TTC7B: variants seen among roughly 807,000 people sequenced by gnomAD.
The protein encoded by TTC7B is tetratricopeptide repeat domain 7B.
TTC7B carries 28 observed loss-of-function variants against 106.8 expected under a neutral mutation model. That is an observed-to-expected ratio of 0.26 (90% CI 0.19 to 0.36). The LOEUF is 0.36. Ranked by LOEUF, TTC7B falls within the 10% of genes least tolerant of loss-of-function variation. The pLI is 1.00. For synonymous variants in TTC7B, 405 were observed against 430.6 expected (o/e 0.94, Z 0.74); for missense variants, 862 against 1,076.4 (o/e 0.80, Z 2.79).
intron 3 of TTC7B, among the ~76,000 whole-genome samples, chr14:90,752,862 G>C (rs896417310): frequency 5.3e-5 from 8 of 152,210 alleles, no homozygotes; most frequent in African/African-American, 1.9e-4. Context: ...TTCAATAACA[G>C]CAATGACAAC....
At chr14:90,594,008 G>A (rs540737153) in intron 17 of TTC7B, 3 of 159,682 alleles carry the variant, frequency 1.9e-5, no homozygotes, top group East Asian at 1.8e-4. Context: ...TAATCAGGGT[G>A]GGGGGAGGAA....
At chr14:90,800,124 G>T (rs1001273461) in intron 1 of TTC7B, among the ~76,000 whole-genome samples, 3 of 152,180 alleles carry the variant, frequency 2.0e-5, no homozygotes, top group Admixed American at 2.0e-4. Context: ...GAGCCACCAC[G>T]CCCGGCCTGA....
intron 15 of TTC7B, among the ~76,000 whole-genome samples, chr14:90,637,286 C>T (rs1595231265): frequency 6.6e-6 from 1 of 151,556 alleles, no homozygotes; most frequent in East Asian, 1.9e-4. Context: ...CAAATCCTTA[C>T]ATATAATATA....
intron 17 of TTC7B, among the ~76,000 whole-genome samples, chr14:90,598,646 G>A (rs758735580): frequency 3.3e-5 from 5 of 152,244 alleles, no homozygotes; most frequent in Non-Finnish European, 7.3e-5. Flanking sequence ...ACTGAGGGCT[G>A]TTGAGAAACC....
intron 2 of TTC7B, 107 bp downstream of exon 2, chr14:90,786,067 G>T: frequency 7.9e-7 from 1 of 1,265,972 alleles, no homozygotes; most frequent in Non-Finnish European, 1.0e-6. Flanking sequence ...ACAAGCCCTG[G>T]CAGTGTGCAG....
intron 15 of TTC7B, among the ~76,000 whole-genome samples, chr14:90,626,576 C>G (rs1331079344): frequency 6.6e-6 from 1 of 152,210 alleles, no homozygotes; most frequent in South Asian, 2.1e-4. Flanking sequence ...ATTGTGGGTT[C>G]CCCAGGGGCT....
rs1389965211 is a variant in TTC7B at position 90,742,142 on chromosome 14, G to A, written c.576+2650C>T. On this transcript the variant is annotated intron_variant, in intron 4 of 19. Coordinates refer to ENST00000328459, the MANE Select transcript of TTC7B (RefSeq NM_001010854.2). This position sits in a 1 kb window ranked among gnomAD's most constrained non-coding sequence, Gnocchi z 4.1. ...TGCAACCTCGAACTTCTGGGCTCAA[G>A]CAATCCTCCCACCTAAGCCTCCCAA... Among the ~76,000 whole-genome samples, 1 of 152,106 alleles carries A rather than the reference G, an allele frequency of 6.6e-6. No homozygotes were observed. Among genetic ancestry groups the A allele is most frequent in the Non-Finnish European group, 1.5e-5 (1 of 68,030 alleles).
rs913348965 is a variant in TTC7B, at chr14:90,577,600, C to T, written c.2310+506G>A. Among the ~76,000 whole-genome samples, 1 of 152,200 alleles carries T rather than the reference C, an allele frequency of 6.6e-6. No individual in the cohort carries two copies. The highest frequency in any genetic ancestry group is 1.5e-5 in the Non-Finnish European group (1 of 68,032). On this transcript the variant is annotated intron_variant, in intron 19 of 19. Coordinates refer to ENST00000328459, the MANE Select transcript of TTC7B (RefSeq NM_001010854.2). The surrounding 1 kb of genome is among the most constrained non-coding windows in gnomAD (Gnocchi z 5.0). ...CCTCTCAGGGCAACATGGCCAGACA[C>T]CCCCGCTGGTAGGATGCTCCCTCCC...
intron 7 of TTC7B, among the ~76,000 whole-genome samples, chr14:90,685,151 T>C (rs545605120): frequency 3.3e-4 from 51 of 152,342 alleles, no homozygotes; most frequent in Non-Finnish European, 6.0e-4. Flanking sequence ...TTCTGAATGG[T>C]CCTTGTGGTT....
At chr14:90,719,254 A>T (rs1339239465) in intron 5 of TTC7B, among the ~76,000 whole-genome samples, 1 of 152,220 alleles carries the variant, frequency 6.6e-6, no homozygotes, top group Non-Finnish European at 1.5e-5. Flanking sequence ...AGCTTGGGTG[A>T]CAAAGCAAGA....
At chr14:90,559,146 G>C (rs1890460174) in intron 19 of TTC7B, among the ~76,000 whole-genome samples, 1 of 152,214 alleles carries the variant, frequency 6.6e-6, no homozygotes, top group Admixed American at 6.5e-5. Context: ...ACCCAGGCCG[G>C]GCAAACGCGG....
At chr14:90,630,710 C>T (rs1286444) in intron 15 of TTC7B, among the ~76,000 whole-genome samples, 1 of 152,020 alleles carries the variant, frequency 6.6e-6, no homozygotes, top group Non-Finnish European at 1.5e-5. Flanking sequence ...GACTACTCCA[C>T]GTACCTCATA....
Position 90,759,193 on chromosome 14 carries a change from T to A in TTC7B, c.446-14271A>T, listed in dbSNP as rs1356759608. Among the ~76,000 whole-genome samples, 1 of 152,010 alleles carries A rather than the reference T, an allele frequency of 6.6e-6. No homozygotes were observed. Among genetic ancestry groups the A allele is most frequent in the Non-Finnish European group, 1.5e-5 (1 of 67,944 alleles). On this transcript the variant is annotated intron_variant, in intron 3 of 19. Transcript: ENST00000328459. This position sits in a 1 kb window ranked among gnomAD's most constrained non-coding sequence, Gnocchi z 4.1. ...TCTGAGCCGCACATGACTCTCTCCT[T>A]CTCCACAGAACAATCTGTGTTCTGC... is the stretch of plus-strand genomic sequence containing the variant.
At chr14:90,798,723 A>C (rs971190153) in intron 1 of TTC7B, among the ~76,000 whole-genome samples, 1 of 151,212 alleles carries the variant, frequency 6.6e-6, no homozygotes, top group African/African-American at 2.4e-5. Context: ...AAAAAAAAAA[A>C]AAAAAAAAAC....
chr14:90,555,388 G>A (rs969433408), intron 19 of TTC7B, among the ~76,000 whole-genome samples: 2 of 152,182 alleles, frequency 1.3e-5, no homozygotes, highest in African/African-American at 4.8e-5. Flanking sequence ...GGACCCAGGT[G>A]ACATAAGAGG....
chr14:90,566,928 G>A (rs1890823854), intron 19 of TTC7B, among the ~76,000 whole-genome samples: 1 of 151,922 alleles, frequency 6.6e-6, no homozygotes, highest in Non-Finnish European at 1.5e-5. Context: ...AACAGGGAAG[G>A]CCACCTCCTG....
chr14:90,694,611 T>C (rs1388449953), intron 6 of TTC7B, among the ~76,000 whole-genome samples: 1 of 147,940 alleles, frequency 6.8e-6, no homozygotes, highest in Admixed American at 6.8e-5. Flanking sequence ...TATAAATATA[T>C]GTATAATATA....
At chr14:90,719,455 A>C (rs1888798223) in intron 5 of TTC7B, among the ~76,000 whole-genome samples, 1 of 152,202 alleles carries the variant, frequency 6.6e-6, no homozygotes, top group South Asian at 2.1e-4. Flanking sequence ...TGATAGGAAC[A>C]CTGTGTCTTT....
chr14:90,590,972 A>G (rs1891931462), intron 18 of TTC7B, among the ~76,000 whole-genome samples: 1 of 152,238 alleles, frequency 6.6e-6, no homozygotes, highest in African/African-American at 2.4e-5. Flanking sequence ...TTTGCTAGGA[A>G]GGAGAACTTG....
Sources: gnomAD v4.1 joint callset for allele counts (sites outside exome capture counted in the v4.1 genomes callset) on GRCh38, gnomAD v4.1.1 for gene constraint, Gnocchi (gnomAD v3.1) non-coding constraint, MANE v1.5 for transcripts, NCBI Gene and HGNC (gene_info 2026-07-23, HGNC 2026-07-21) for gene names.